TM4SF19: variants seen among roughly 807,000 people sequenced by gnomAD.
TM4SF19 encodes transmembrane 4 L six family member 19.
Under a neutral mutation model 21.8 loss-of-function variants are expected in TM4SF19, and 17 were observed. The observed-to-expected ratio is 0.78, with a 90% CI of 0.53 to 1.17. The LOEUF is 1.17. TM4SF19 is among the 50% of genes most tolerant of loss of function. TM4SF19 has a pLI of 0.00. For synonymous variants in TM4SF19, 107 were observed against 106.7 expected (o/e 1.00, Z -0.02); for missense variants, 216 against 252.1 (o/e 0.86, Z 0.97).
intron 1 of TM4SF19, among the ~76,000 whole-genome samples, chr3:196,330,724 C>A (rs895514206): frequency 2.1e-4 from 32 of 152,104 alleles, no homozygotes; most frequent in Admixed American, 1.3e-4. Flanking sequence ...TAGTATGGGG[C>A]ATGGGAAGCT....
intron 1 of TM4SF19, among the ~76,000 whole-genome samples, chr3:196,335,983 C>T (rs1727742743): frequency 6.6e-6 from 1 of 152,090 alleles, no homozygotes; most frequent in Non-Finnish European, 1.5e-5. Context: ...CCAGGAGACG[C>T]CGTTGTGCAG....
In TM4SF19 at chr3:196,334,591, C is replaced by T. The variant is rs79033393; in HGVS notation, c.-2+3673G>A. On this transcript the variant is annotated intron_variant, in intron 1 of 4. Transcript: ENST00000273695. ...GCCTCAGACTCCCCAGTAGCTGGGA[C>T]TACAGCTGCACACCACCATGCCCGG... 2.6e-3 allele frequency among the ~76,000 whole-genome samples: 396 copies of T among 152,126 alleles called. 3 individuals are homozygous for T. Among genetic ancestry groups the T allele is most frequent in the South Asian group, 8.1e-3 (39 of 4,810 alleles).
rs562716987 is a variant in TM4SF19, at chr3:196,334,060, CA to C, written c.-2+4203del. Among the ~76,000 whole-genome samples, 375 of 139,248 alleles carry C rather than the reference CA, an allele frequency of 2.7e-3. 1 individual carries two copies. The highest frequency in any genetic ancestry group is 7.5e-3 in the African/African-American group (281 of 37,686). The allele number at this position is 139,248 out of a possible 152,430, so 91.4% of individuals were successfully genotyped here. A position where few individuals can be genotyped will look rare whatever the true frequency, so the allele number is the denominator to read the frequency against. ...TGGACCACAGATCGAGACTCCGTCT[CA>C]AAAAAAAAAAATTGCATTAAAAAAG... is the stretch of plus-strand genomic sequence containing the variant. On this transcript the variant is annotated intron_variant, in intron 1 of 4. Transcript: ENST00000273695.
In TM4SF19 at chr3:196,327,379, C is replaced by T. The variant is rs746479547; in HGVS notation, c.201+11G>A. The T allele has an allele frequency of 9.9e-6, 16 of 1,612,802 alleles. No individual in the cohort carries two copies. Among genetic ancestry groups the T allele is most frequent in the African/African-American group, 6.7e-5 (5 of 74,906 alleles). On this transcript the variant is annotated intron_variant, in intron 2 of 4. Transcript: ENST00000273695. The stretch of plus-strand genomic sequence containing the variant: ...TTGAGAGTTCACGTTCAGGGAACCC[C>T]GGACACTTACCATGAGGCCTCCTCC...
At chr3:196,332,077 T>C (rs1161178653) in intron 1 of TM4SF19, among the ~76,000 whole-genome samples, 1 of 151,906 alleles carries the variant, frequency 6.6e-6, no homozygotes, top group African/African-American at 2.4e-5. Context: ...CCGACCAACC[T>C]GGCCAACATG....
intron 1 of TM4SF19, among the ~76,000 whole-genome samples, chr3:196,332,994 C>T (rs1727582837): frequency 6.6e-6 from 1 of 152,034 alleles, no homozygotes; most frequent in Non-Finnish European, 1.5e-5. Context: ...AGACCGCAGG[C>T]ATGCGCCACC....
chr3:196,328,584 A>T (rs1156851951), intron 1 of TM4SF19, among the ~76,000 whole-genome samples: 1 of 152,210 alleles, frequency 6.6e-6, no homozygotes, highest in Admixed American at 6.5e-5. Flanking sequence ...TTGCTGAGAA[A>T]ATTAATGGAG....
intron 3 of TM4SF19, 52 bp downstream of exon 3, chr3:196,326,903 T>G: frequency 2.0e-6 from 3 of 1,484,092 alleles, no homozygotes; most frequent in Non-Finnish European, 1.9e-6. Flanking sequence ...GCCTCTAGAG[T>G]AATAGAGGTG....
In TM4SF19 at chr3:196,330,776, T is replaced by C. The variant is rs182729126; in HGVS notation, c.-1-3185A>G. ...GCATTCTGTGTCTAGATTCTGGTGG[T>C]GAATACATAACTGTACATATTGACA... On this transcript the variant is annotated intron_variant, in intron 1 of 4. Coordinates refer to ENST00000273695, the MANE Select transcript of TM4SF19 (RefSeq NM_138461.4). 9.5e-4 allele frequency among the ~76,000 whole-genome samples: 144 copies of C among 152,292 alleles called. 1 individual carries two copies. The highest frequency in any genetic ancestry group is 1.7e-3 in the Non-Finnish European group (114 of 68,032).
At chr3:196,334,712 C>T (rs1037079758) in intron 1 of TM4SF19, among the ~76,000 whole-genome samples, 1 of 151,754 alleles carries the variant, frequency 6.6e-6, no homozygotes, top group African/African-American at 2.4e-5. Context: ...CCTCGGTTTC[C>T]CAAAGTGCTG....
At chr3:196,329,980 T>C in intron 1 of TM4SF19, among the ~76,000 whole-genome samples, 1 of 144,432 alleles carries the variant, frequency 6.9e-6, no homozygotes, top group African/African-American at 2.5e-5. Context: ...CAAGCAATTC[T>C]CCTGCCTCAG....
intron 3 of TM4SF19, 141 bp downstream of exon 3, chr3:196,326,814 C>A (rs1360275420): frequency 3.5e-6 from 2 of 574,106 alleles, no homozygotes; most frequent in Admixed American, 2.8e-5. Context: ...GCAACTTGCC[C>A]AAGAACTTAG....
chr3:196,334,442 G>A (rs1048688224), intron 1 of TM4SF19, among the ~76,000 whole-genome samples: 1 of 150,778 alleles, frequency 6.6e-6, no homozygotes, highest in South Asian at 2.1e-4. Context: ...AAACAGACCC[G>A]GTCCAGGATA....
At chr3:196,324,150 A>C in intron 4 of TM4SF19, 121 bp downstream of exon 4, 4 of 1,446,402 alleles carry the variant, frequency 2.8e-6, no homozygotes, top group Non-Finnish European at 3.9e-6. Context: ...TTTTCTGAGT[A>C]TCAGAGGAGC....
chr3:196,323,856 G>A lies in TM4SF19; in HGVS notation c.591C>T (p.Asn197=), dbSNP rs767444390. 1.1e-5 allele frequency: 17 copies of A among 1,614,078 alleles called. No homozygotes were observed. The Admixed American group carries it at 2.5e-4, about 24-fold the overall frequency. The change falls in exon 5 of 5, where the codon AAC becomes AAT. Residue 197 remains asparagine, a synonymous_variant. Transcript: ENST00000273695. ...QLLLVVVHVI[N]SLLGLFCSLC... ...GGCTGCAGAAAAGGCCCAGGAGGCT[G>A]TTGATGACATGAACGACCACCAGGA...
intron 1 of TM4SF19, among the ~76,000 whole-genome samples, chr3:196,332,494 G>T (rs200124575): frequency 1.4e-5 from 2 of 142,860 alleles, no homozygotes; most frequent in African/African-American, 2.6e-5. Flanking sequence ...GGAAGGGGAA[G>T]GGAAGAAAAA....
chr3:196,332,520 T>A (rs975106528), intron 1 of TM4SF19, among the ~76,000 whole-genome samples: 1 of 151,060 alleles, frequency 6.6e-6, no homozygotes, highest in Non-Finnish European at 1.5e-5. Context: ...TATATATATA[T>A]AAAAGATATG....
At chr3:196,335,272 G>A (rs1224562863) in intron 1 of TM4SF19, among the ~76,000 whole-genome samples, 1 of 43,888 alleles carries the variant, frequency 2.3e-5, no homozygotes. Flanking sequence ...GGAGGTAGCA[G>A]AGGGGAGGGG....
At position 196,325,830 on chromosome 3, in the gene TM4SF19, A is replaced by T. The variant is rs1727263411; in HGVS notation, c.279+1125T>A. 6.6e-6 allele frequency among the ~76,000 whole-genome samples: 1 copy of T among 152,172 alleles called. No homozygotes were observed. Among genetic ancestry groups the T allele is most frequent in the African/African-American group, 2.4e-5 (1 of 41,452 alleles). ...CCTGAATCAGAAACTCTGGGGAGGG[A>T]GCCCAGCAATCCGTGTTCCGGCAAA... On this transcript the variant is annotated intron_variant, in intron 3 of 4. Transcript: ENST00000273695. This position sits in a 1 kb window ranked among gnomAD's most constrained non-coding sequence, Gnocchi z 4.3.
Sources: allele counts gnomAD v4.1 joint callset (sites outside exome capture counted in the v4.1 genomes callset), GRCh38; gene constraint gnomAD v4.1.1; non-coding constraint Gnocchi (gnomAD v3.1); transcripts MANE v1.5; gene names NCBI Gene and HGNC (gene_info 2026-07-23, HGNC 2026-07-21).